MED13L: variants seen among roughly 807,000 people sequenced by gnomAD.
The protein encoded by MED13L is mediator complex subunit 13L.
In MED13L, 7 loss-of-function variants were observed where a neutral mutation model predicts 220.9. The observed-to-expected ratio is 0.03, with a 90% CI of 0.02 to 0.06. The LOEUF is 0.06. Among genes scored for constraint, MED13L ranks in the 10% least tolerant of loss-of-function variants. The pLI is 1.00. For missense variants in MED13L, 1,965 were observed against 2,760.5 expected, an observed-to-expected ratio of 0.71 and a Z score of 6.46; for synonymous variants, 1,011 against 1,015.2, an observed-to-expected ratio of 1.00 and a Z score of 0.08.
At chr12:116,201,687 G>A (rs1008244431) in intron 2 of MED13L, among the ~76,000 whole-genome samples, 6 of 152,134 alleles carry the variant, frequency 3.9e-5, no homozygotes, top group African/African-American at 1.2e-4. Flanking sequence ...TTAGGAGCAC[G>A]TGTATGGGTG....
At chr12:116,011,593 T>C (rs993175120) in intron 9 of MED13L, among the ~76,000 whole-genome samples, 7 of 152,168 alleles carry the variant, frequency 4.6e-5, no homozygotes, top group African/African-American at 1.2e-4. Context: ...AAGTCAAAGT[T>C]ACTGGGAAAA....
intron 19 of MED13L, 40 bp from the exon 20 acceptor site, chr12:115,984,412 AT>A (rs1478026000): frequency 5.0e-6 from 8 of 1,602,728 alleles, no homozygotes; most frequent in Non-Finnish European, 6.8e-6. Flanking sequence ...AACAGGAGCC[AT>A]TCCTTCATTC....
chr12:116,100,270 T>C (rs557549255), intron 3 of MED13L, among the ~76,000 whole-genome samples: 3 of 152,128 alleles, frequency 2.0e-5, no homozygotes, highest in East Asian at 1.9e-4. Flanking sequence ...AAGTCCTTGG[T>C]TCTCAAACGT....
chr12:116,178,963 A>G (rs1436185001), intron 2 of MED13L, among the ~76,000 whole-genome samples: 1 of 152,200 alleles, frequency 6.6e-6, no homozygotes, highest in Non-Finnish European at 1.5e-5. Context: ...TTGTGCCATG[A>G]ATTCATGTTT....
At chr12:115,977,144 C>T (rs185620467) in intron 23 of MED13L, among the ~76,000 whole-genome samples, 95 of 152,292 alleles carry the variant, frequency 6.2e-4, no homozygotes, top group African/African-American at 2.2e-3. Context: ...CAGAGTAAGA[C>T]CCTGTCTCAA....
chr12:116,087,508 C>G (rs1593028773), intron 4 of MED13L, among the ~76,000 whole-genome samples: 1 of 152,178 alleles, frequency 6.6e-6, no homozygotes, highest in African/African-American at 2.4e-5. Context: ...CCCCCTGCTG[C>G]CAAGTTGCTA....
At chr12:116,270,436 C>T (rs886706533) in intron 1 of MED13L, among the ~76,000 whole-genome samples, 2 of 152,080 alleles carry the variant, frequency 1.3e-5, no homozygotes, top group African/African-American at 2.4e-5. Flanking sequence ...TGAGCCACCA[C>T]GCCCAGCTAG....
At chr12:116,011,371 TTTGTTTATTTAC>T (rs1879387316) in intron 9 of MED13L, among the ~76,000 whole-genome samples, 1 of 152,234 alleles carries the variant, frequency 6.6e-6, no homozygotes, top group African/African-American at 2.4e-5. Flanking sequence ...CAAAGCATTA[TTTGTTTATTTAC>T]ACTTAACGTG....
In MED13L at chr12:115,987,194, C is replaced by A; in HGVS notation, c.4029G>T (p.Thr1343=). The change falls in exon 18 of 31, where the codon ACG becomes ACT. Residue 1343 remains threonine (T), a synonymous_variant. Transcript: ENST00000281928. ...GCTGGATGTTCTCCCAGGTCCTGCC[C>A]GTGCGCTTCTTTTGGATGGCATCTT... is the stretch of plus-strand genomic sequence containing the variant. ...FLQDAIQKKR[T]GRTWENIQHV... 6.2e-7 allele frequency: 1 copy of A among 1,614,080 alleles called. No homozygotes were observed. Among genetic ancestry groups the A allele is most frequent in the Non-Finnish European group, 8.5e-7 (1 of 1,180,008 alleles).
rs372985700 is a variant in MED13L, at chr12:116,079,200, T to C, written c.479+17469A>G. 8.0e-5 allele frequency among the ~76,000 whole-genome samples: 12 copies of C among 150,532 alleles called. No individual in the cohort carries two copies. In the South Asian group the frequency reaches 2.6e-3, roughly 32 times the overall value. ...CTATTTTAAAAGTCAGACATAACTT[T>C]CCTCAGTTTTATTTGGTGGTGGTGG... On this transcript the variant is annotated intron_variant, in intron 4 of 30. Transcript: ENST00000281928.
chr12:116,208,129 T>C (rs1320092779), intron 2 of MED13L, among the ~76,000 whole-genome samples: 1 of 152,190 alleles, frequency 6.6e-6, no homozygotes, highest in Non-Finnish European at 1.5e-5. Context: ...ACGCAGTGGC[T>C]CACTCCTGTA....
intron 12 of MED13L, 117 bp downstream of exon 12, chr12:116,006,189 A>G: frequency 1.6e-6 from 2 of 1,223,872 alleles, no homozygotes; most frequent in Non-Finnish European, 1.2e-6. Flanking sequence ...TGAAAAATAT[A>G]TTAAAGATGA....
intron 2 of MED13L, among the ~76,000 whole-genome samples, chr12:116,218,937 T>A (rs1418499955): frequency 1.3e-5 from 2 of 152,124 alleles, no homozygotes; most frequent in Admixed American, 1.3e-4. Context: ...GATTTCACCA[T>A]ATTGCCCAGG....
At chr12:116,148,075 GA>G (rs1186515219) in intron 2 of MED13L, among the ~76,000 whole-genome samples, 2 of 52,736 alleles carry the variant, frequency 3.8e-5, no homozygotes, top group African/African-American at 6.0e-5. Flanking sequence ...AAAAAAAAAA[GA>G]GGGGGGCGGG....
chr12:116,159,631 C>T (rs1878710225), intron 2 of MED13L, among the ~76,000 whole-genome samples: 1 of 152,086 alleles, frequency 6.6e-6, no homozygotes, highest in Non-Finnish European at 1.5e-5. Flanking sequence ...AGTATCACTA[C>T]TGATACCTTG....
At chr12:116,043,539 C>T (rs1881660282) in intron 4 of MED13L, among the ~76,000 whole-genome samples, 1 of 152,132 alleles carries the variant, frequency 6.6e-6, no homozygotes, top group South Asian at 2.1e-4. Flanking sequence ...AAATCTAATA[C>T]AAAAAGTAAA....
chr12:116,104,238 G>C (rs1873353781), intron 3 of MED13L, among the ~76,000 whole-genome samples: 1 of 151,806 alleles, frequency 6.6e-6, no homozygotes, highest in Non-Finnish European at 1.5e-5. Context: ...TCAAACTCCT[G>C]ACCTCAGGTG....
intron 2 of MED13L, among the ~76,000 whole-genome samples, chr12:116,158,897 C>T (rs1322281401): frequency 1.3e-5 from 2 of 152,148 alleles, no homozygotes; most frequent in Non-Finnish European, 1.5e-5. Context: ...GACTAGTGAG[C>T]AGTTCAACTG....
At chr12:116,104,650 CTAAG>C (rs1396131048) in intron 3 of MED13L, among the ~76,000 whole-genome samples, 2 of 152,172 alleles carry the variant, frequency 1.3e-5, no homozygotes, top group Admixed American at 6.5e-5. Context: ...TAAAGTCTCC[CTAAG>C]TAAGTATGGA....
Sources: gnomAD v4.1 joint callset for allele counts (sites outside exome capture counted in the v4.1 genomes callset) on GRCh38, gnomAD v4.1.1 for gene constraint, MANE v1.5 for transcripts, NCBI Gene and HGNC (gene_info 2026-07-23, HGNC 2026-07-21) for gene names.